The following BASP1 variants were observed in gnomAD, a reference collection of about 807,000 sequenced individuals.
BASP1 encodes the protein brain acid soluble protein 1.
Under a neutral mutation model 2.2 loss-of-function variants are expected in BASP1, and 1 was observed. The observed-to-expected ratio is 0.46, with a 90% confidence interval of 0.16 to 2.17. BASP1 has a LOEUF of 2.17. BASP1 is among the 30% of genes most tolerant of loss of function. The pLI, the probability that BASP1 is intolerant of heterozygous loss-of-function variation, is 0.27. For synonymous variants in BASP1, 187 were observed against 154.2 expected (o/e 1.21, Z -1.58); for missense variants, 352 against 327.2 (o/e 1.08, Z -0.58).
intron 1 of BASP1, among the ~76,000 whole-genome samples, chr5:17,243,449 C>T (rs751950896): frequency 1.8e-4 from 27 of 152,128 alleles, no homozygotes; most frequent in Admixed American, 1.0e-3. Context: ...CCACCACGCC[C>T]GGCTCCCTCC....
intron 1 of BASP1, among the ~76,000 whole-genome samples, chr5:17,225,538 T>C (rs1490263763): frequency 6.6e-6 from 1 of 152,262 alleles, no homozygotes; most frequent in Non-Finnish European, 1.5e-5. Flanking sequence ...TTCTAAAATT[T>C]AAGTTAAATC....
intron 1 of BASP1, among the ~76,000 whole-genome samples, chr5:17,250,976 T>A (rs1010587764): frequency 2.6e-5 from 4 of 152,192 alleles, no homozygotes; most frequent in Non-Finnish European, 4.4e-5. Context: ...AGATTTAGAT[T>A]TTGCTGCATA....
chr5:17,260,529 G>A lies in BASP1; in HGVS notation c.-9-14679G>A, dbSNP rs298587. Among the ~76,000 whole-genome samples, 2,169 of 152,254 alleles carry A rather than the reference G, an allele frequency of 0.014. 48 individuals are homozygous for A. The highest frequency in any genetic ancestry group is 0.048 in the African/African-American group (1,978 of 41,546). On this transcript the variant is annotated intron_variant, in intron 1 of 1. Coordinates refer to ENST00000322611, the MANE Select transcript of BASP1 (RefSeq NM_006317.5). This position sits in a 1 kb window ranked among gnomAD's most constrained non-coding sequence, Gnocchi z 4.2. ...CAGAGAGTTTGTGATCATGGATGGC[G>A]CCTGGAACTTGACCGCATTTCATTT...
At chr5:17,247,057 C>T (rs1403330475) in intron 1 of BASP1, among the ~76,000 whole-genome samples, 1 of 152,130 alleles carries the variant, frequency 6.6e-6, no homozygotes, top group African/African-American at 2.4e-5. Context: ...CATGGTGGTG[C>T]ACCTGTAGTC....
At chr5:17,263,424 T>G (rs1490681354) in intron 1 of BASP1, among the ~76,000 whole-genome samples, 2 of 152,280 alleles carry the variant, frequency 1.3e-5, no homozygotes, top group African/African-American at 4.8e-5. Context: ...CATGAGCCAC[T>G]GCACCCCAGC....
At chr5:17,253,953 T>C (rs1037329768) in intron 1 of BASP1, among the ~76,000 whole-genome samples, 7 of 152,078 alleles carry the variant, frequency 4.6e-5, no homozygotes, top group African/African-American at 1.7e-4. Context: ...ATGCAAAAGA[T>C]GTACGTAGCT....
At chr5:17,243,471 C>T (rs1042874888) in intron 1 of BASP1, among the ~76,000 whole-genome samples, 1 of 152,116 alleles carries the variant, frequency 6.6e-6, no homozygotes, top group African/African-American at 2.4e-5. Flanking sequence ...ACCTTCTTAA[C>T]TTCAGTTTCC....
chr5:17,274,934 C>T lies in BASP1; in HGVS notation c.-9-274C>T, dbSNP rs139291892. Among the ~76,000 whole-genome samples, 29 of 152,156 alleles carry T rather than the reference C, an allele frequency of 1.9e-4. No homozygotes were observed. The East Asian group carries it at 4.9e-3, about 25-fold the overall frequency. On this transcript the variant is annotated intron_variant, in intron 1 of 1. Coordinates refer to ENST00000322611, the MANE Select transcript of BASP1 (RefSeq NM_006317.5). ...GGCCCAGCTGTGTGGGAGGCTGAGGCGGGAGGATCCCCTGAGCCCAGGAGG... is the reference window on the plus strand; with the variant it reads ...GGCCCAGCTGTGTGGGAGGCTGAGGTGGGAGGATCCCCTGAGCCCAGGAGG...
chr5:17,242,167 C>T lies in BASP1; in HGVS notation c.-10+24357C>T, dbSNP rs114616355. Among the ~76,000 whole-genome samples, 767 of 152,306 alleles carry T rather than the reference C, an allele frequency of 5.0e-3. 9 individuals are homozygous for T. Among genetic ancestry groups the T allele is most frequent in the African/African-American group, 0.018 (734 of 41,558 alleles). ...ACCATTAATAGTTTTAGCAATTACT[C>T]TCAACCATAGTGAATGTGTAACTCC... On this transcript the variant is annotated intron_variant, in intron 1 of 1. Coordinates refer to ENST00000322611, the MANE Select transcript of BASP1 (RefSeq NM_006317.5).
chr5:17,248,521 G>A (rs1012003784), intron 1 of BASP1, among the ~76,000 whole-genome samples: 1 of 151,994 alleles, frequency 6.6e-6, no homozygotes, highest in Non-Finnish European at 1.5e-5. Context: ...AGCCCCAATT[G>A]GACATGACTC....
Position 17,236,557 on chromosome 5 carries a change from G to T in BASP1, c.-10+18747G>T, listed in dbSNP as rs532523915. Among the ~76,000 whole-genome samples, 1 of 152,164 alleles carries T rather than the reference G, an allele frequency of 6.6e-6. No homozygotes were observed. The highest frequency in any genetic ancestry group is 1.5e-5 in the Non-Finnish European group (1 of 68,024). On this transcript the variant is annotated intron_variant, in intron 1 of 1. Coordinates refer to ENST00000322611, the MANE Select transcript of BASP1 (RefSeq NM_006317.5). This position sits in a 1 kb window ranked among gnomAD's most constrained non-coding sequence, Gnocchi z 4.0. ...TGGGATTACAGGCGTGAGCCACCGC[G>T]CTCGGCCGAGAGCTAGTTTCCTGAT...
intron 1 of BASP1, among the ~76,000 whole-genome samples, chr5:17,228,263 A>G (rs1739559236): frequency 6.6e-6 from 1 of 152,208 alleles, no homozygotes; most frequent in African/African-American, 2.4e-5. Flanking sequence ...CATCTGTACC[A>G]AAGTTTTCTG....
At chr5:17,245,732 T>C (rs1739971575) in intron 1 of BASP1, among the ~76,000 whole-genome samples, 1 of 152,032 alleles carries the variant, frequency 6.6e-6, no homozygotes, top group Admixed American at 6.6e-5. Flanking sequence ...GAAAAATTGC[T>C]GGAGTGGCTG....
intron 1 of BASP1, among the ~76,000 whole-genome samples, chr5:17,220,237 T>C (rs1406084469): frequency 1.3e-5 from 2 of 152,210 alleles, no homozygotes; most frequent in South Asian, 2.1e-4. Context: ...ATCTACTGGC[T>C]ACGGTGGCTG....
intron 1 of BASP1, among the ~76,000 whole-genome samples, chr5:17,230,649 C>T (rs1017528049): frequency 3.9e-5 from 6 of 152,018 alleles, no homozygotes; most frequent in African/African-American, 9.7e-5. Flanking sequence ...CTGCAACCTC[C>T]GCCTCCCGAG....
upstream of BASP1, chr5:17,216,869 G>A (rs1013204135): frequency 1.3e-5 from 2 of 152,488 alleles, no homozygotes; most frequent in Non-Finnish European, 2.9e-5. The surrounding 1 kb of genome is among the most constrained non-coding windows in gnomAD (Gnocchi z 6.4). Flanking sequence ...CTGCAGCTGG[G>A]GCTCACCCCA....
chr5:17,249,405 A>G (rs1201280873), intron 1 of BASP1, among the ~76,000 whole-genome samples: 1 of 152,168 alleles, frequency 6.6e-6, no homozygotes. Context: ...GTAGATCCCT[A>G]CTGAGCTTTG....
chr5:17,227,387 T>C, intron 1 of BASP1, among the ~76,000 whole-genome samples: 1 of 87,632 alleles, frequency 1.1e-5, no homozygotes, highest in African/African-American at 7.4e-5. Flanking sequence ...GCTTGACTAA[T>C]TTTTATATAT....
At chr5:17,220,232 C>T (rs1008336716) in intron 1 of BASP1, among the ~76,000 whole-genome samples, 6 of 152,144 alleles carry the variant, frequency 3.9e-5, no homozygotes, top group African/African-American at 1.4e-4. Flanking sequence ...GGCCCATCTA[C>T]TGGCTACGGT....
Sources: allele counts gnomAD v4.1 joint callset (sites outside exome capture counted in the v4.1 genomes callset), GRCh38; gene constraint gnomAD v4.1.1; non-coding constraint Gnocchi (gnomAD v3.1); transcripts MANE v1.5; gene names NCBI Gene and HGNC (gene_info 2026-07-23, HGNC 2026-07-21).